LOXHD1: variants seen among roughly 807,000 people sequenced by gnomAD.
LOXHD1 encodes the protein lipoxygenase homology domain-containing protein 1.
LOXHD1 carries 205 observed loss-of-function variants against 248.2 expected under a neutral mutation model. The observed-to-expected ratio is 0.83, with a 90% CI of 0.74 to 0.93. LOXHD1 has a LOEUF of 0.93. Among genes scored for constraint, LOXHD1 ranks in the 40% least tolerant of loss-of-function variants. The pLI, the probability that LOXHD1 is intolerant of heterozygous loss-of-function variation, is 0.00. For missense variants in LOXHD1, 2,930 were observed against 2,971.6 expected, an observed-to-expected ratio of 0.99 and a Z score of 0.33; for synonymous variants, 1,113 against 1,162.8, an observed-to-expected ratio of 0.96 and a Z score of 0.87.
At chr18:46,499,980 G>T (rs984604824) in intron 37 of LOXHD1, among the ~76,000 whole-genome samples, 2 of 152,114 alleles carry the variant, frequency 1.3e-5, no homozygotes, top group African/African-American at 4.8e-5. Flanking sequence ...GGGATTTCAT[G>T]GCCAGTGAAC....
At chr18:46,611,776 T>C (rs1198756187) in intron 5 of LOXHD1, among the ~76,000 whole-genome samples, 3 of 152,210 alleles carry the variant, frequency 2.0e-5, no homozygotes, top group African/African-American at 7.2e-5. Context: ...TTCTTAAGGA[T>C]GTAAAACATG....
chr18:46,583,674 C>G (rs913905814), intron 12 of LOXHD1, among the ~76,000 whole-genome samples: 1 of 151,668 alleles, frequency 6.6e-6, no homozygotes, highest in Non-Finnish European at 1.5e-5. Flanking sequence ...TGGCCATCAT[C>G]AAAAAAACAA....
intron 2 of LOXHD1, 147 bp downstream of exon 2, chr18:46,649,008 G>T (rs1348432640): frequency 4.5e-6 from 3 of 671,288 alleles, no homozygotes; most frequent in Non-Finnish European, 7.9e-6. Flanking sequence ...CTGGTACACG[G>T]TCTGTCATTA....
chr18:46,505,972 T>A lies in LOXHD1; in HGVS notation c.5744A>T (p.Asp1915Val). The part of the protein sequence containing the change: ...VFIIIFGENG[D>V]SGTLALKQSA... ...CTGCTTCAGGGCCAGTGTCCCACTA[T>A]CCCCGTTCTCCCCGAAGATGATGAT... The change falls in exon 37 of 41, where the codon GAT becomes GTT. Residue 1915 changes from aspartate to valine, a missense_variant. Physicochemically the swap from Asp to Val is radical, Grantham distance 152. Coordinates refer to ENST00000642948, the MANE Select transcript of LOXHD1 (RefSeq NM_001384474.1). 2 of 1,552,182 alleles carry A rather than the reference T, an allele frequency of 1.3e-6. No homozygotes were observed. The highest frequency in any genetic ancestry group is 1.7e-6 in the Non-Finnish European group (2 of 1,147,096).
In LOXHD1 at chr18:46,529,310, A is replaced by T; in HGVS notation, c.4397T>A (p.Ile1466Asn). The change falls in exon 29 of 41, where the codon ATC becomes AAC. Residue 1466 changes from isoleucine (I) to asparagine (N), a missense_variant. Ile to Asn is a moderately radical substitution (Grantham distance 149, BLOSUM62 -3). Transcript: ENST00000642948. ...PLDIVLYSVQ[I>N]FTGNIPGAGT... Reference sequence around the variant, plus strand: ...TGCCCCAGGAATGTTCCCTGTGAAGATCTGCACCGAGTACAGCACAACTGG... The same window carrying T: ...TGCCCCAGGAATGTTCCCTGTGAAGTTCTGCACCGAGTACAGCACAACTGG... 6.4e-7 allele frequency: 1 copy of T among 1,550,842 alleles called. No individual in the cohort carries two copies.
In LOXHD1 at chr18:46,563,173, G is replaced by A. The variant is rs1355859713; in HGVS notation, c.2490C>T (p.Thr830=). The A allele has an allele frequency of 6.5e-7, 1 of 1,529,286 alleles. No individual in the cohort carries two copies. Among genetic ancestry groups the A allele is most frequent in the African/African-American group, 1.4e-5 (1 of 72,822 alleles). 94.7% of individuals were successfully genotyped at this position (1,529,286 alleles called of 1,614,324 possible). ...AGATCTGCATGTAGACTCGGGCACT[G>A]GTGCCTGCGCCACCCACATCTCCTG... ...IWTGDVGGAG[T]SARVYMQIYG... is the part of the protein sequence containing the mutation. The change falls in exon 18 of 41, where the codon ACC becomes ACT. Residue 830 remains threonine, a synonymous_variant. Coordinates refer to ENST00000642948, the MANE Select transcript of LOXHD1 (RefSeq NM_001384474.1).
chr18:46,542,528 G>A (rs2144368439), intron 24 of LOXHD1, among the ~76,000 whole-genome samples, 199 bp downstream of exon 24: 1 of 152,320 alleles, frequency 6.6e-6, no homozygotes. Context: ...TCCAGGTACA[G>A]CTCTAGACTA....
At chr18:46,554,150 G>C (rs2037223452) in intron 21 of LOXHD1, among the ~76,000 whole-genome samples, 1 of 152,200 alleles carries the variant, frequency 6.6e-6, no homozygotes. Flanking sequence ...GATCAGGTCA[G>C]GAAGCTTCGA....
intron 3 of LOXHD1, among the ~76,000 whole-genome samples, chr18:46,641,445 G>A (rs914693407): frequency 8.5e-5 from 13 of 152,280 alleles, no homozygotes; most frequent in Admixed American, 3.3e-4. Context: ...GCAAGACTGC[G>A]GATGCTCTCT....
chr18:46,647,303 G>T lies in LOXHD1; in HGVS notation c.245+1852C>A, dbSNP rs939740468. On this transcript the variant is annotated intron_variant, in intron 2 of 40. Transcript: ENST00000642948. ...CCGAACTCCTGGGAATGGAGGCTCA[G>T]TGGAAATCCATGCCATGTTATAAAG... Among the ~76,000 whole-genome samples the T allele has an allele frequency of 2.0e-5, 3 of 152,318 alleles. No individual in the cohort carries two copies. The South Asian group carries it at 6.2e-4, about 32-fold the overall frequency.
At chr18:46,538,534 C>T (rs960195410) in intron 25 of LOXHD1, among the ~76,000 whole-genome samples, 197 bp from the exon 26 acceptor site, 4 of 152,048 alleles carry the variant, frequency 2.6e-5, no homozygotes, top group African/African-American at 7.3e-5. Flanking sequence ...TCCTGCCCCG[C>T]CCCCATGGAA....
intron 2 of LOXHD1, among the ~76,000 whole-genome samples, chr18:46,644,007 A>G (rs146223413): frequency 4.3e-4 from 65 of 152,368 alleles, no homozygotes; most frequent in Middle Eastern, 6.8e-3. Flanking sequence ...AATCATGTCT[A>G]GATGTTGAGG....
intron 16 of LOXHD1, 28 bp from the exon 17 acceptor site, chr18:46,566,477 A>G (rs1277911637): frequency 1.3e-6 from 2 of 1,541,146 alleles, no homozygotes; most frequent in African/African-American, 2.7e-5. Flanking sequence ...GAGGGTGAGC[A>G]AGGAGCCAGT....
At chr18:46,639,926 C>T in intron 3 of LOXHD1, 126 bp from the exon 4 acceptor site, 1 of 1,175,954 alleles carries the variant, frequency 8.5e-7, no homozygotes, top group South Asian at 1.5e-5. Flanking sequence ...GTTACTTTAT[C>T]TCCTGAACCT....
intron 1 of LOXHD1, among the ~76,000 whole-genome samples, chr18:46,653,033 T>C (rs989454967): frequency 6.6e-6 from 1 of 152,114 alleles, no homozygotes; most frequent in Non-Finnish European, 1.5e-5. Flanking sequence ...AGGCAGGTCA[T>C]GAGGTCAGTT....
At chr18:46,484,561 A>T (rs1023456488) in intron 39 of LOXHD1, among the ~76,000 whole-genome samples, 2 of 152,142 alleles carry the variant, frequency 1.3e-5, no homozygotes, top group Non-Finnish European at 2.9e-5. Context: ...TGAGAAATAC[A>T]TTTCTGTTGT....
chr18:46,585,821 T>C (rs951686213), intron 12 of LOXHD1, among the ~76,000 whole-genome samples: 1 of 152,202 alleles, frequency 6.6e-6, no homozygotes, highest in Admixed American at 6.5e-5. Context: ...CTAATAAGAA[T>C]TTAAAATGGT....
In LOXHD1 at chr18:46,601,492, G is replaced by C. The variant is rs565055485; in HGVS notation, c.884-25C>G. ...GCTGGTGTGGAAACAACAGGAAAGA[G>C]AGTGTTCAATGTGAGCTGCATCATA... is the stretch of plus-strand genomic sequence containing the variant. On this transcript the variant is annotated intron_variant, in intron 7 of 40. Transcript: ENST00000642948. 4 of 1,551,726 alleles carry C rather than the reference G, an allele frequency of 2.6e-6. No homozygotes were observed. The African/African-American group carries it at 5.5e-5, about 21-fold the overall frequency.
At chr18:46,543,975 A>T (rs2036682068) in intron 23 of LOXHD1, among the ~76,000 whole-genome samples, 1 of 152,202 alleles carries the variant, frequency 6.6e-6, no homozygotes, top group African/African-American at 2.4e-5. Flanking sequence ...GCTATTTCAC[A>T]TATATAATCA....
Sources: allele counts gnomAD v4.1 joint callset (sites outside exome capture counted in the v4.1 genomes callset), GRCh38; gene constraint gnomAD v4.1.1; transcripts MANE v1.5; gene names NCBI Gene and HGNC (gene_info 2026-07-23, HGNC 2026-07-21).